The following DRC8 variants were observed in gnomAD, a reference collection of about 807,000 sequenced individuals.
The protein encoded by DRC8 is dynein regulatory complex subunit 8, also known as dynein regulatory complex protein 8.
chr1:244,983,014 G>A, the DRC8 span, among the ~76,000 whole-genome samples: 29 of 152,198 alleles, frequency 1.9e-4, no homozygotes, highest in South Asian at 6.2e-4. Flanking sequence ...AGGTTGCAAT[G>A]AGCTGATATC....
chr1:245,034,446 C>T, the DRC8 span, among the ~76,000 whole-genome samples: 2 of 151,210 alleles, frequency 1.3e-5, no homozygotes, highest in Admixed American at 6.6e-5. Flanking sequence ...AATAAAAATA[C>T]CAAAATTAGC....
the DRC8 span, among the ~76,000 whole-genome samples, chr1:245,075,206 T>TG: frequency 6.6e-6 from 1 of 152,182 alleles, no homozygotes; most frequent in Non-Finnish European, 1.5e-5. Context: ...TCGATGCAAG[T>TG]GGAAGTTAAG....
the DRC8 span, among the ~76,000 whole-genome samples, chr1:245,052,805 G>A: frequency 6.6e-6 from 1 of 152,198 alleles, no homozygotes; most frequent in Non-Finnish European, 1.5e-5. Flanking sequence ...TTGTGGTGAC[G>A]GTAAGTGCTG....
chr1:245,071,334 C>G, the DRC8 span, among the ~76,000 whole-genome samples: 1 of 152,138 alleles, frequency 6.6e-6, no homozygotes, highest in African/African-American at 2.4e-5. Context: ...CCTCAATCTT[C>G]TTAGAGATTA....
At chr1:245,109,764 C>T in the DRC8 span, among the ~76,000 whole-genome samples, 1 of 152,174 alleles carries the variant, frequency 6.6e-6, no homozygotes, top group Non-Finnish European at 1.5e-5. Flanking sequence ...AGTGGCAGGG[C>T]CATGTTGGGA....
At chr1:244,970,092 G>C in the DRC8 span, 3 of 660,526 alleles carry the variant, frequency 4.5e-6, no homozygotes, top group Middle Eastern at 2.7e-4. Flanking sequence ...ATAAGGGAAA[G>C]GAGGGGTTGG....
the DRC8 span, among the ~76,000 whole-genome samples, chr1:245,081,154 T>A: frequency 6.7e-6 from 1 of 149,894 alleles, no homozygotes; most frequent in Non-Finnish European, 1.5e-5. Context: ...TTTATTTTTT[T>A]ATTTATCTAT....
At chr1:244,980,262 G>C in the DRC8 span, among the ~76,000 whole-genome samples, 1 of 151,686 alleles carries the variant, frequency 6.6e-6, no homozygotes. Flanking sequence ...GGAGGCTGAG[G>C]CAGGATAATC....
chr1:245,042,395 T>G, the DRC8 span, among the ~76,000 whole-genome samples: 1 of 152,270 alleles, frequency 6.6e-6, no homozygotes, highest in African/African-American at 2.4e-5. Flanking sequence ...AGACACGATC[T>G]CTTGATTAGA....
chr1:245,121,836 G>C, the DRC8 span: 3 of 418,212 alleles, frequency 7.2e-6, no homozygotes, highest in East Asian at 1.5e-4. Flanking sequence ...CCTTAGGCTT[G>C]TCTTAGCTAC....
chr1:245,016,657 C>T, the DRC8 span, among the ~76,000 whole-genome samples: 1 of 152,152 alleles, frequency 6.6e-6, no homozygotes, highest in Non-Finnish European at 1.5e-5. Context: ...ATAACCTTAG[C>T]ACATTGTAAG....
chr1:245,017,165 C>A, the DRC8 span: 1 of 1,352,174 alleles, frequency 7.4e-7, no homozygotes, highest in Non-Finnish European at 1.0e-6. Flanking sequence ...ATTAAGATTG[C>A]TAGTCTGGTT....
the DRC8 span, among the ~76,000 whole-genome samples, chr1:245,103,707 G>C: frequency 2.6e-5 from 4 of 152,172 alleles, no homozygotes; most frequent in African/African-American, 9.7e-5. Context: ...ATCAGAGGTG[G>C]TCCTCTGTGG....
At chr1:244,973,561 T>G in the DRC8 span, among the ~76,000 whole-genome samples, 1 of 152,216 alleles carries the variant, frequency 6.6e-6, no homozygotes, top group South Asian at 2.1e-4. Context: ...CAAAACTCGT[T>G]TTAGGTCTCT....
At chr1:245,010,673 T>TTTTC in the DRC8 span, among the ~76,000 whole-genome samples, 1 of 146,504 alleles carries the variant, frequency 6.8e-6, no homozygotes, top group African/African-American at 2.6e-5. Context: ...GAGTATCCCT[T>TTTTC]TTTCTTTCTT....
chr1:245,044,229 C>T, the DRC8 span, among the ~76,000 whole-genome samples: 1 of 152,170 alleles, frequency 6.6e-6, no homozygotes, highest in Non-Finnish European at 1.5e-5. Flanking sequence ...CTTCCAGACT[C>T]CACCTTTAGT....
the DRC8 span, among the ~76,000 whole-genome samples, chr1:245,078,560 A>C: frequency 6.6e-6 from 1 of 152,194 alleles, no homozygotes; most frequent in South Asian, 2.1e-4. Flanking sequence ...CATTATGCTA[A>C]GTGAAATAAG....
chr1:245,075,689 C>T, the DRC8 span: 1 of 152,224 alleles, frequency 6.6e-6, no homozygotes, highest in Non-Finnish European at 1.5e-5. Flanking sequence ...GAGGGATCTT[C>T]TGGCAAAGAC....
At chr1:245,099,984 C>T in the DRC8 span, among the ~76,000 whole-genome samples, 1 of 152,132 alleles carries the variant, frequency 6.6e-6, no homozygotes, top group African/African-American at 2.4e-5. Flanking sequence ...AAATGTAAGG[C>T]ATTATTTTAT....
Sources: gnomAD v4.1 joint callset for allele counts (sites outside exome capture counted in the v4.1 genomes callset) on GRCh38, gnomAD v4.1.1 for gene constraint, MANE v1.5 for transcripts, NCBI Gene and HGNC (gene_info 2026-07-23, HGNC 2026-07-21) for gene names.